The following ADAMTS16 variants were observed in gnomAD, a reference collection of about 807,000 sequenced individuals.
ADAMTS16 encodes A disintegrin and metalloproteinase with thrombospondin motifs 16.
In ADAMTS16, 94 loss-of-function variants were observed where a neutral mutation model predicts 145.8. The ratio of observed to expected loss-of-function variants is 0.64; its 90% CI spans 0.55 to 0.77. The LOEUF is 0.77. Ranked by LOEUF, ADAMTS16 falls within the 30% of genes least tolerant of loss-of-function variation. The pLI is 0.00. For missense variants in ADAMTS16, 1,585 were observed against 1,591.5 expected (o/e 1.00, Z 0.07); for synonymous variants, 659 against 604.3 (o/e 1.09, Z -1.33).
intron 9 of ADAMTS16, among the ~76,000 whole-genome samples, chr5:5,200,913 T>C (rs1267471148): frequency 6.6e-6 from 1 of 152,192 alleles, no homozygotes; most frequent in East Asian, 1.9e-4. Context: ...AAATAGTAGA[T>C]TTGAAAATTT....
At chr5:5,184,568 A>G (rs1486400022) in intron 4 of ADAMTS16, among the ~76,000 whole-genome samples, 1 of 151,764 alleles carries the variant, frequency 6.6e-6, no homozygotes, top group Non-Finnish European at 1.5e-5. Context: ...TTCTGTGTTC[A>G]CTTAGGCATT....
At chr5:5,243,988 G>A (rs908725381) in intron 17 of ADAMTS16, among the ~76,000 whole-genome samples, 1 of 152,214 alleles carries the variant, frequency 6.6e-6, no homozygotes, top group African/African-American at 2.4e-5. Flanking sequence ...TAGAGCTAGT[G>A]AGTTCTGTTT....
At chr5:5,314,439 T>C (rs1315137171) in intron 21 of ADAMTS16, among the ~76,000 whole-genome samples, 3 of 152,212 alleles carry the variant, frequency 2.0e-5, no homozygotes, top group African/African-American at 7.2e-5. Context: ...AGGGAATGCC[T>C]GGAAGGTGAA....
At chr5:5,160,427 T>A (rs1734711624) in intron 3 of ADAMTS16, among the ~76,000 whole-genome samples, 1 of 152,154 alleles carries the variant, frequency 6.6e-6, no homozygotes, top group African/African-American at 2.4e-5. Flanking sequence ...TCCCACTGAC[T>A]CCCAGTACTT....
In ADAMTS16 at chr5:5,216,853, G is replaced by A. The variant is rs1345545634; in HGVS notation, c.1606-5936G>A. Among the ~76,000 whole-genome samples, 8 of 146,594 alleles carry A rather than the reference G, an allele frequency of 5.5e-5. No homozygotes were observed. The South Asian group carries it at 6.4e-4, about 12-fold the overall frequency. Reference sequence around the variant, plus strand: ...TTCCCACCTATGAGTGAGAATATGCGGTGTTTGGTTTTTTGTTCTTGCGAT... The same window carrying A: ...TTCCCACCTATGAGTGAGAATATGCAGTGTTTGGTTTTTTGTTCTTGCGAT... On this transcript the variant is annotated intron_variant, in intron 10 of 22. Transcript: ENST00000274181.
chr5:5,307,662 G>C (rs1375594076), intron 21 of ADAMTS16, among the ~76,000 whole-genome samples: 2 of 152,204 alleles, frequency 1.3e-5, no homozygotes, highest in Admixed American at 6.5e-5. Flanking sequence ...TGCTGGCGCT[G>C]CTCTGAGTCA....
At chr5:5,273,898 A>T (rs1446594420) in intron 18 of ADAMTS16, among the ~76,000 whole-genome samples, 1 of 152,206 alleles carries the variant, frequency 6.6e-6, no homozygotes, top group East Asian at 1.9e-4. Flanking sequence ...TAACTTTCTG[A>T]ATTTGAATAT....
intron 18 of ADAMTS16, among the ~76,000 whole-genome samples, chr5:5,265,445 C>A (rs1738202947): frequency 6.6e-6 from 1 of 152,066 alleles, no homozygotes; most frequent in South Asian, 2.1e-4. Context: ...AACTGGCGGT[C>A]ATAGAAGTGA....
intron 3 of ADAMTS16, among the ~76,000 whole-genome samples, chr5:5,181,330 G>A (rs112591619): frequency 3.7e-4 from 56 of 152,222 alleles, no homozygotes; most frequent in African/African-American, 1.3e-3. Context: ...ACCAACAATC[G>A]TGCTACCAAG....
intron 9 of ADAMTS16, 75 bp from the exon 10 acceptor site, chr5:5,209,018 A>G: frequency 1.3e-6 from 2 of 1,485,486 alleles, no homozygotes; most frequent in South Asian, 1.4e-5. Context: ...CATGGGGGAG[A>G]AAGGCATAAT....
At chr5:5,312,986 C>A (rs1740518266) in intron 21 of ADAMTS16, among the ~76,000 whole-genome samples, 1 of 152,196 alleles carries the variant, frequency 6.6e-6, no homozygotes, top group Non-Finnish European at 1.5e-5. Flanking sequence ...AGACTTCAGG[C>A]AAATTTAGAA....
At chr5:5,285,012 C>T (rs923473933) in intron 18 of ADAMTS16, among the ~76,000 whole-genome samples, 1 of 152,092 alleles carries the variant, frequency 6.6e-6, no homozygotes, top group African/African-American at 2.4e-5. Flanking sequence ...TGTTTTGGTT[C>T]TTTTGAGATG....
chr5:5,192,563 T>A (rs1735692956), intron 8 of ADAMTS16, among the ~76,000 whole-genome samples: 1 of 152,140 alleles, frequency 6.6e-6, no homozygotes, highest in African/African-American at 2.4e-5. Flanking sequence ...AGGAACTGAT[T>A]TGCCTCCCTT....
chr5:5,265,493 C>T (rs1738205913), intron 18 of ADAMTS16, among the ~76,000 whole-genome samples: 1 of 152,238 alleles, frequency 6.6e-6, no homozygotes, highest in Admixed American at 6.5e-5. Context: ...AGACAGGGGT[C>T]CTATCTGCAG....
At chr5:5,173,019 G>T (rs1029320244) in intron 3 of ADAMTS16, among the ~76,000 whole-genome samples, 5 of 151,732 alleles carry the variant, frequency 3.3e-5, no homozygotes, top group Non-Finnish European at 7.4e-5. Context: ...AATCTATTTT[G>T]TCTCGTGTAA....
At chr5:5,296,643 G>A (rs752950854) in intron 18 of ADAMTS16, among the ~76,000 whole-genome samples, 3 of 152,130 alleles carry the variant, frequency 2.0e-5, no homozygotes, top group Admixed American at 6.5e-5. Flanking sequence ...CCCCTAGAGA[G>A]CCAAGGCCGT....
In ADAMTS16 at chr5:5,306,680, T is replaced by C. The variant is rs371743095; in HGVS notation, c.3363T>C (p.Ala1121=). The C allele has an allele frequency of 2.9e-4, 472 of 1,613,914 alleles. No individual in the cohort carries two copies. Among genetic ancestry groups the C allele is most frequent in the Non-Finnish European group, 3.9e-4 (460 of 1,179,966 alleles). The change falls in exon 21 of 23, where the codon GCT becomes GCC. Residue 1121 remains alanine, a synonymous_variant. Coordinates refer to ENST00000274181, the MANE Select transcript of ADAMTS16 (RefSeq NM_139056.4). ...PLPCPRHPPF[A]AAGPSRGSWF... ...CATGCCCCAGGCACCCCCCATTTGC[T>C]GCTGCGGGACCCTCGAGGGGCAGCT...
Position 5,190,023 on chromosome 5 carries a change from AG to A in ADAMTS16, c.1101del (p.Gln367HisfsTer6), listed in dbSNP as rs1274859542. On this transcript the variant is annotated frameshift_variant, in exon 7 of 23. Transcript: ENST00000274181. LOFTEE classifies it high-confidence loss of function. ...HADHTLSSFC[Q>X]WQSGLMGKDG... ...GACCACACCTTAAGTAGCTTCTGCC[AG>A]TGGCAGTCTGGATTGATGGGGAAAG... 1 of 1,613,076 alleles carries A rather than the reference AG, an allele frequency of 6.2e-7. No homozygotes were observed. Among genetic ancestry groups the A allele is most frequent in the Non-Finnish European group, 8.5e-7 (1 of 1,179,634 alleles).
At chr5:5,191,644 A>G (rs1735664469) in intron 7 of ADAMTS16, 41 bp from the exon 8 acceptor site, 4 of 1,503,138 alleles carry the variant, frequency 2.7e-6, no homozygotes, top group Middle Eastern at 1.7e-4. Context: ...TTATTTTATT[A>G]CAACACCGCT....
Sources: allele counts gnomAD v4.1 joint callset (sites outside exome capture counted in the v4.1 genomes callset), GRCh38; gene constraint gnomAD v4.1.1; transcripts MANE v1.5; gene names NCBI Gene and HGNC (gene_info 2026-07-23, HGNC 2026-07-21).